Variants in TRPC7 observed in about 807,000 individuals in gnomAD.
TRPC7 encodes short transient receptor potential channel 7.
In TRPC7, 42 loss-of-function variants were observed where a neutral mutation model predicts 90.1. The ratio of observed to expected loss-of-function variants is 0.47; its 90% CI spans 0.36 to 0.60. The LOEUF (loss-of-function observed/expected upper bound fraction) is 0.60. TRPC7 is among the 20% of genes least tolerant of loss of function. The pLI is 0.00. For synonymous variants in TRPC7, 451 were observed against 436.3 expected (o/e 1.03, Z -0.42); for missense variants, 955 against 1,112.3 (o/e 0.86, Z 2.01).
At chr5:136,226,821 T>C (rs760294333) in intron 8 of TRPC7, among the ~76,000 whole-genome samples, 21 of 152,240 alleles carry the variant, frequency 1.4e-4, no homozygotes, top group Middle Eastern at 3.2e-3. Context: ...CATTTCAACA[T>C]GTAAGCATTA....
At chr5:136,335,299 A>G (rs1311543789) in intron 2 of TRPC7, among the ~76,000 whole-genome samples, 1 of 152,074 alleles carries the variant, frequency 6.6e-6, no homozygotes, top group Non-Finnish European at 1.5e-5. Context: ...CTGCAAGCTG[A>G]ACATGTGGTG....
At chr5:136,282,354 T>C (rs1757573583) in intron 3 of TRPC7, among the ~76,000 whole-genome samples, 1 of 152,206 alleles carries the variant, frequency 6.6e-6, no homozygotes, top group African/African-American at 2.4e-5. Flanking sequence ...GATTCTAAAT[T>C]TTCTAAATTT....
At chr5:136,243,977 T>C (rs990394117) in intron 7 of TRPC7, among the ~76,000 whole-genome samples, 3 of 152,044 alleles carry the variant, frequency 2.0e-5, no homozygotes, top group African/African-American at 7.2e-5. Flanking sequence ...GAAATCTTCA[T>C]TCAGTTTGCC....
At position 136,347,540 on chromosome 5, in the gene TRPC7, T is replaced by C. The variant is rs1461147276; in HGVS notation, c.780+9068A>G. Among the ~76,000 whole-genome samples, 3 of 152,262 alleles carry C rather than the reference T, an allele frequency of 2.0e-5. No individual in the cohort carries two copies. In the South Asian group the frequency reaches 6.2e-4, roughly 31 times the overall value. Reference sequence around the variant, plus strand: ...GCCAACAGAGAGAGAAAGATGTTTTTAGAATCTTGGAAATGCAATGGGAAG... The same window carrying C: ...GCCAACAGAGAGAGAAAGATGTTTTCAGAATCTTGGAAATGCAATGGGAAG... On this transcript the variant is annotated intron_variant, in intron 2 of 11. Transcript: ENST00000513104.
intron 7 of TRPC7, among the ~76,000 whole-genome samples, chr5:136,238,743 C>T (rs1756069852): frequency 6.6e-6 from 1 of 152,156 alleles, no homozygotes; most frequent in Non-Finnish European, 1.5e-5. Flanking sequence ...TCTTTTTCCT[C>T]AAAACTTGGT....
At chr5:136,319,379 T>C (rs1050302022) in intron 2 of TRPC7, among the ~76,000 whole-genome samples, 5 of 152,090 alleles carry the variant, frequency 3.3e-5, no homozygotes, top group Non-Finnish European at 7.4e-5. Flanking sequence ...CTCAAGGATG[T>C]GGCAATCTTC....
At chr5:136,283,790 A>T (rs1757623133) in intron 3 of TRPC7, among the ~76,000 whole-genome samples, 1 of 152,146 alleles carries the variant, frequency 6.6e-6, no homozygotes, top group Non-Finnish European at 1.5e-5. Context: ...TCCCAGCATC[A>T]ACCTGACCAA....
chr5:136,352,984 A>G (rs2149859054), intron 2 of TRPC7, among the ~76,000 whole-genome samples: 1 of 152,320 alleles, frequency 6.6e-6, no homozygotes, highest in African/African-American at 2.4e-5. Context: ...TGAAATGATT[A>G]TTGTTTTAGG....
At chr5:136,213,742 G>A in intron 11 of TRPC7, 138 bp from the exon 12 acceptor site, 1 of 860,342 alleles carries the variant, frequency 1.2e-6, no homozygotes, top group Non-Finnish European at 1.8e-6. Context: ...GGTGAGGCAA[G>A]GGGGGCTCTA....
intron 10 of TRPC7, among the ~76,000 whole-genome samples, chr5:136,223,690 T>C (rs1472759592): frequency 6.6e-6 from 1 of 152,182 alleles, no homozygotes; most frequent in Non-Finnish European, 1.5e-5. Context: ...GGATTCATTC[T>C]GGAATGGGAC....
At chr5:136,292,041 T>C (rs1374167218) in intron 3 of TRPC7, among the ~76,000 whole-genome samples, 1 of 152,198 alleles carries the variant, frequency 6.6e-6, no homozygotes, top group Non-Finnish European at 1.5e-5. Flanking sequence ...CCTGAATGAC[T>C]ACTGGGTACA....
chr5:136,229,277 C>A (rs1354476247), intron 8 of TRPC7, among the ~76,000 whole-genome samples: 1 of 152,220 alleles, frequency 6.6e-6, no homozygotes, highest in Non-Finnish European at 1.5e-5. Context: ...CTCTTCCTCT[C>A]ACCTCTTGCC....
At chr5:136,329,743 T>G (rs1759443677) in intron 2 of TRPC7, among the ~76,000 whole-genome samples, 1 of 152,198 alleles carries the variant, frequency 6.6e-6, no homozygotes, top group Non-Finnish European at 1.5e-5. Context: ...ATATGCTTAT[T>G]TACCAAGAAA....
At chr5:136,245,395 C>T (rs1756305078) in intron 7 of TRPC7, among the ~76,000 whole-genome samples, 1 of 152,204 alleles carries the variant, frequency 6.6e-6, no homozygotes, top group South Asian at 2.1e-4. Context: ...GCAGCGCAGT[C>T]CATAATTCTG....
rs193193630 is a variant in TRPC7 at position 136,322,161 on chromosome 5, C to T, written c.781-6382G>A. ...TCCCAAGAAGCTGGAATTACAGGCA[C>T]CTGCCACCAAGCCCTGCTAATTTTT... On this transcript the variant is annotated intron_variant, in intron 2 of 11. Coordinates refer to ENST00000513104, the MANE Select transcript of TRPC7 (RefSeq NM_020389.3). Among the ~76,000 whole-genome samples the T allele has an allele frequency of 3.7e-3, 557 of 152,092 alleles. 4 individuals carry two copies. The highest frequency in any genetic ancestry group is 4.9e-3 in the Non-Finnish European group (331 of 67,986).
At chr5:136,359,774 GCA>G (rs56100973) in intron 1 of TRPC7, among the ~76,000 whole-genome samples, 358 of 149,348 alleles carry the variant, frequency 2.4e-3, no homozygotes, top group African/African-American at 8.0e-3. Flanking sequence ...TGTCATCTGG[GCA>G]CACACACACA....
intron 5 of TRPC7, among the ~76,000 whole-genome samples, chr5:136,264,942 A>G (rs1580878061): frequency 6.6e-6 from 1 of 152,106 alleles, no homozygotes; most frequent in African/African-American, 2.4e-5. Context: ...TGTCCTTCCT[A>G]TACCCTTTGG....
chr5:136,233,142 A>G (rs1437949328), intron 7 of TRPC7, among the ~76,000 whole-genome samples: 2 of 152,160 alleles, frequency 1.3e-5, no homozygotes, highest in Non-Finnish European at 2.9e-5. Flanking sequence ...TTCCCTATGC[A>G]CACTCTTCAG....
chr5:136,213,637 A>T lies in TRPC7; in HGVS notation c.2420-33T>A, dbSNP rs1755163726. 3 of 1,610,618 alleles carry T rather than the reference A, an allele frequency of 1.9e-6. No homozygotes were observed. In the African/African-American group the frequency reaches 4.0e-5, roughly 22 times the overall value. On this transcript the variant is annotated intron_variant, in intron 11 of 11. Coordinates refer to ENST00000513104, the MANE Select transcript of TRPC7 (RefSeq NM_020389.3). ...GACAGAGGAGATTTTGCTGAGTCTG[A>T]GTAGGTGGAAGCTCGGGGCTTGTCC...
Sources: gnomAD v4.1 joint callset for allele counts (sites outside exome capture counted in the v4.1 genomes callset) on GRCh38, gnomAD v4.1.1 for gene constraint, MANE v1.5 for transcripts, NCBI Gene and HGNC (gene_info 2026-07-23, HGNC 2026-07-21) for gene names.